The following SUMF1 variants were observed in gnomAD, a reference collection of about 807,000 sequenced individuals.
The protein encoded by SUMF1 is sulfatase modifying factor 1.
In SUMF1, 48 loss-of-function variants were observed where a neutral mutation model predicts 47.6. The ratio of observed to expected loss-of-function variants is 1.01; its 90% CI spans 0.80 to 1.28. The LOEUF (loss-of-function observed/expected upper bound fraction) is 1.28, where lower values mean the gene tolerates loss of function less well. SUMF1 is among the 50% of genes most tolerant of loss of function. SUMF1 has a pLI of 0.00. For synonymous variants in SUMF1, 230 were observed against 192.1 expected (o/e 1.20, Z -1.63); for missense variants, 571 against 485.4 (o/e 1.18, Z -1.66).
intron 8 of SUMF1, among the ~76,000 whole-genome samples, chr3:4,110,464 AC>A (rs1266012453): frequency 1.3e-5 from 2 of 152,004 alleles, no homozygotes; most frequent in African/African-American, 4.8e-5. Flanking sequence ...AACTAGAAAT[AC>A]CATTTGACCC....
At chr3:4,090,215 T>G (rs1472642359) in intron 8 of SUMF1, among the ~76,000 whole-genome samples, 1 of 152,144 alleles carries the variant, frequency 6.6e-6, no homozygotes, top group East Asian at 1.9e-4. Flanking sequence ...TGTTTTGTTA[T>G]AGAATTGATC....
intron 3 of SUMF1, among the ~76,000 whole-genome samples, chr3:4,420,453 G>T (rs1439560706): frequency 1.3e-5 from 2 of 148,648 alleles, no homozygotes; most frequent in East Asian, 4.0e-4. Context: ...TGGAGTGCAG[G>T]GGTTGCAATC....
At chr3:4,438,627 C>T (rs1311479276) in intron 3 of SUMF1, among the ~76,000 whole-genome samples, 2 of 152,098 alleles carry the variant, frequency 1.3e-5, no homozygotes, top group East Asian at 3.8e-4. Flanking sequence ...CTTACATACG[C>T]TTAGTAACAT....
chr3:4,091,608 G>A (rs1692788727), intron 8 of SUMF1, among the ~76,000 whole-genome samples: 1 of 152,056 alleles, frequency 6.6e-6, no homozygotes. Flanking sequence ...ACCTCGAATA[G>A]GATAACAGCC....
chr3:4,350,673 CAGT>C (rs1442697536), intron 8 of SUMF1, among the ~76,000 whole-genome samples: 1 of 152,012 alleles, frequency 6.6e-6, no homozygotes, highest in African/African-American at 2.4e-5. Flanking sequence ...TTAATTAAAG[CAGT>C]AGAAGTTCAG....
chr3:4,461,404 A>G (rs1234405276), intron 1 of SUMF1, among the ~76,000 whole-genome samples: 2 of 152,264 alleles, frequency 1.3e-5, no homozygotes, highest in Non-Finnish European at 2.9e-5. Context: ...AGAGGCTCTA[A>G]TAAGAGATTT....
At chr3:4,212,815 AT>A (rs1394945936) in intron 8 of SUMF1, among the ~76,000 whole-genome samples, 1 of 152,204 alleles carries the variant, frequency 6.6e-6, no homozygotes, top group Non-Finnish European at 1.5e-5. Context: ...GATATCGGTT[AT>A]TCAAGATCAA....
At chr3:4,277,828 G>A (rs956046918) in intron 8 of SUMF1, among the ~76,000 whole-genome samples, 1 of 151,950 alleles carries the variant, frequency 6.6e-6, no homozygotes, top group African/African-American at 2.4e-5. Context: ...GCTTCCTCTG[G>A]GGTCTCCCAT....
chr3:4,083,379 C>G (rs1470382065), intron 8 of SUMF1, among the ~76,000 whole-genome samples: 1 of 152,108 alleles, frequency 6.6e-6, no homozygotes, highest in Non-Finnish European at 1.5e-5. Context: ...ACCCTGAATC[C>G]TGATCACCAC....
intron 8 of SUMF1, among the ~76,000 whole-genome samples, chr3:4,249,176 T>C (rs565834358): frequency 1.2e-4 from 18 of 152,210 alleles, no homozygotes; most frequent in Non-Finnish European, 2.6e-4. Flanking sequence ...GTGGGTATAA[T>C]TTGGCATTCA....
At chr3:4,105,216 C>T (rs781111267) in intron 8 of SUMF1, among the ~76,000 whole-genome samples, 47 of 152,102 alleles carry the variant, frequency 3.1e-4, no homozygotes, top group Non-Finnish European at 6.9e-4. Context: ...ATGCTGGTTT[C>T]CAGGGTCTGG....
intron 8 of SUMF1, among the ~76,000 whole-genome samples, chr3:4,300,542 T>C (rs1041816513): frequency 1.3e-5 from 2 of 152,208 alleles, no homozygotes; most frequent in Non-Finnish European, 2.9e-5. Flanking sequence ...ATCTTTAATT[T>C]CTGTTCTCAA....
At chr3:4,045,665 C>T (rs1694994223) in intron 9 of SUMF1, among the ~76,000 whole-genome samples, 1 of 152,048 alleles carries the variant, frequency 6.6e-6, no homozygotes, top group Non-Finnish European at 1.5e-5. Flanking sequence ...CCAGATTCTG[C>T]ATATCTGTTA....
intron 8 of SUMF1, among the ~76,000 whole-genome samples, chr3:4,228,493 G>A (rs1425105871): frequency 6.6e-6 from 1 of 152,014 alleles, no homozygotes; most frequent in Admixed American, 6.6e-5. Flanking sequence ...GCCCCCGTGG[G>A]GCCAATTAGA....
At chr3:4,415,983 T>G (rs1019530167) in intron 6 of SUMF1, among the ~76,000 whole-genome samples, 1 of 152,156 alleles carries the variant, frequency 6.6e-6, no homozygotes, top group African/African-American at 2.4e-5. Context: ...GCCTCCAGAA[T>G]TGCAAGAAAT....
chr3:4,465,482 A>G (rs2079919578), intron 1 of SUMF1, among the ~76,000 whole-genome samples: 1 of 152,098 alleles, frequency 6.6e-6, no homozygotes, highest in South Asian at 2.1e-4. Flanking sequence ...CGTCTAAAAA[A>G]AAAAAAAAGA....
At chr3:4,091,174 T>C (rs1184056366) in intron 8 of SUMF1, among the ~76,000 whole-genome samples, 3 of 152,122 alleles carry the variant, frequency 2.0e-5, no homozygotes, top group Admixed American at 1.3e-4. Context: ...AAATATGCCA[T>C]AGAAACTTAA....
rs116600653 is a variant in SUMF1, at chr3:4,260,388, A to C, written c.1014+115942T>G. 1.9e-3 allele frequency among the ~76,000 whole-genome samples: 282 copies of C among 152,328 alleles called. 2 individuals are homozygous for C. The highest frequency in any genetic ancestry group is 6.4e-3 in the African/African-American group (267 of 41,578). Reference sequence around the variant, plus strand: ...TGCTGTTGTTTCTTAAAGAGAAACCAAAAATCTGTGTCTTTATGTGAAATT... The same window carrying C: ...TGCTGTTGTTTCTTAAAGAGAAACCCAAAATCTGTGTCTTTATGTGAAATT... On this transcript the variant is annotated intron_variant and NMD_transcript_variant, in intron 8 of 12. Transcript: ENST00000448413.
intron 8 of SUMF1, among the ~76,000 whole-genome samples, chr3:4,351,421 C>T (rs1053908218): frequency 2.0e-5 from 3 of 152,108 alleles, no homozygotes; most frequent in African/African-American, 7.2e-5. Context: ...CAAGGAAGTC[C>T]TCTCATATAC....
Sources: allele counts gnomAD v4.1 joint callset (sites outside exome capture counted in the v4.1 genomes callset), GRCh38; gene constraint gnomAD v4.1.1; transcripts MANE v1.5; gene names NCBI Gene and HGNC (gene_info 2026-07-23, HGNC 2026-07-21).